POU6F2: variants seen among roughly 807,000 people sequenced by gnomAD.
POU6F2 encodes POU class 6 homeobox 2.
Under a neutral mutation model 71.3 loss-of-function variants are expected in POU6F2, and 31 were observed. The ratio of observed to expected loss-of-function variants is 0.43; its 90% confidence interval spans 0.33 to 0.59. The LOEUF (loss-of-function observed/expected upper bound fraction) is 0.59, where lower values mean the gene tolerates loss of function less well. POU6F2 is among the 20% of genes least tolerant of loss of function. POU6F2 has a pLI of 0.04. For missense variants in POU6F2, 783 were observed against 856.8 expected (o/e 0.91, Z 1.07); for synonymous variants, 347 against 355.7 (o/e 0.98, Z 0.27).
intron 4 of POU6F2, among the ~76,000 whole-genome samples, chr7:39,339,067 C>T (rs1422724010): frequency 7.5e-6 from 1 of 132,556 alleles, no homozygotes; most frequent in Non-Finnish European, 1.6e-5. Flanking sequence ...GAAGCATGTA[C>T]TGCTTTTGAA....
intron 7 of POU6F2, among the ~76,000 whole-genome samples, chr7:39,437,562 TC>T (rs1788278313): frequency 6.6e-6 from 1 of 152,160 alleles, no homozygotes; most frequent in African/African-American, 2.4e-5. Context: ...TTAATTTTTT[TC>T]AAAAAACCAG....
At chr7:39,133,798 G>A (rs945464505) in intron 2 of POU6F2, among the ~76,000 whole-genome samples, 1 of 152,214 alleles carries the variant, frequency 6.6e-6, no homozygotes, top group East Asian at 1.9e-4. Flanking sequence ...TACAGCCTGT[G>A]TAAGCTCTAC....
At chr7:39,131,912 T>C (rs1792292995) in intron 2 of POU6F2, among the ~76,000 whole-genome samples, 1 of 152,128 alleles carries the variant, frequency 6.6e-6, no homozygotes, top group Non-Finnish European at 1.5e-5. Context: ...ATGGGGTGCA[T>C]AAGATGTTTT....
intron 2 of POU6F2, among the ~76,000 whole-genome samples, chr7:39,176,706 A>G (rs1209494108): frequency 6.6e-6 from 1 of 152,234 alleles, no homozygotes; most frequent in East Asian, 1.9e-4. Context: ...GCATGCATAC[A>G]AACACATACC....
At chr7:39,258,378 G>A (rs1243111480) in intron 4 of POU6F2, among the ~76,000 whole-genome samples, 3 of 152,156 alleles carry the variant, frequency 2.0e-5, no homozygotes, top group African/African-American at 4.8e-5. Flanking sequence ...TGGAGCCTGG[G>A]ATTTTATCCA....
At chr7:39,187,420 G>A (rs1216975146) in intron 2 of POU6F2, among the ~76,000 whole-genome samples, 1 of 152,246 alleles carries the variant, frequency 6.6e-6, no homozygotes, top group Admixed American at 6.5e-5. Flanking sequence ...CAAAGTTGCA[G>A]GCATTGGCTA....
At chr7:39,365,960 G>T (rs1786491672) in intron 5 of POU6F2, among the ~76,000 whole-genome samples, 2 of 152,338 alleles carry the variant, frequency 1.3e-5, no homozygotes, top group Middle Eastern at 3.4e-3. Context: ...AGCTGTGTAG[G>T]TGCAGGCACA....
chr7:39,253,847 A>T (rs1309409035), intron 4 of POU6F2, among the ~76,000 whole-genome samples: 1 of 152,148 alleles, frequency 6.6e-6, no homozygotes, highest in Non-Finnish European at 1.5e-5. Context: ...ACGATAGCCA[A>T]ACCATTATAT....
intron 8 of POU6F2, among the ~76,000 whole-genome samples, chr7:39,456,301 A>C (rs2237372): frequency 0.35 from 52,849 of 152,032 alleles, 10,436 homozygotes; most frequent in East Asian, 0.58. Context: ...GCCAGATTGA[A>C]CTATCCCAGG....
chr7:39,462,897 G>A (rs1186727229), intron 9 of POU6F2, among the ~76,000 whole-genome samples: 1 of 152,186 alleles, frequency 6.6e-6, no homozygotes, highest in East Asian at 1.9e-4. Flanking sequence ...TCTAAAATGT[G>A]CTGCCAAAAA....
chr7:39,108,571 G>A (rs566976320), intron 2 of POU6F2, among the ~76,000 whole-genome samples: 9 of 152,198 alleles, frequency 5.9e-5, no homozygotes, highest in Non-Finnish European at 1.2e-4. Flanking sequence ...CCCCAGCCTA[G>A]GCTGGTTGTG....
intron 4 of POU6F2, among the ~76,000 whole-genome samples, chr7:39,273,963 A>C (rs1041466594): frequency 2.0e-5 from 3 of 152,192 alleles, no homozygotes; most frequent in Non-Finnish European, 4.4e-5. Context: ...TATTTATAAT[A>C]ACTGCATGAC....
At chr7:39,051,303 C>A (rs1790395789) in intron 1 of POU6F2, among the ~76,000 whole-genome samples, 1 of 152,080 alleles carries the variant, frequency 6.6e-6, no homozygotes, top group Non-Finnish European at 1.5e-5. Flanking sequence ...AACCCATATT[C>A]CATTTTTTGC....
At chr7:39,252,233 A>G (rs576021097) in intron 4 of POU6F2, among the ~76,000 whole-genome samples, 3 of 152,020 alleles carry the variant, frequency 2.0e-5, no homozygotes, top group Non-Finnish European at 2.9e-5. Context: ...CCTGTCCTCT[A>G]TTTACCTGTC....
intron 1 of POU6F2, among the ~76,000 whole-genome samples, chr7:39,065,969 C>A (rs1320310535): frequency 2.0e-5 from 3 of 151,474 alleles, no homozygotes; most frequent in African/African-American, 7.3e-5. Context: ...TGATATTAAC[C>A]CACAACAGAG....
intron 1 of POU6F2, among the ~76,000 whole-genome samples, chr7:39,014,937 ACTC>A (rs1005215688): frequency 6.6e-6 from 1 of 151,806 alleles, no homozygotes; most frequent in Non-Finnish European, 1.5e-5. Context: ...ACTGCTGTTG[ACTC>A]CTCTATTAGT....
intron 5 of POU6F2, among the ~76,000 whole-genome samples, chr7:39,384,893 C>T (rs145915768): frequency 5.1e-4 from 77 of 152,284 alleles, no homozygotes; most frequent in African/African-American, 1.9e-3. Context: ...CATTTGGAAG[C>T]TTTGTGTCCT....
At chr7:39,018,396 A>G (rs1350088799) in intron 1 of POU6F2, among the ~76,000 whole-genome samples, 2 of 152,172 alleles carry the variant, frequency 1.3e-5, no homozygotes, top group Non-Finnish European at 2.9e-5. Flanking sequence ...TTGTGCCGGA[A>G]GCCATGACCT....
chr7:39,273,680 TG>T (rs757261821), intron 4 of POU6F2, among the ~76,000 whole-genome samples: 1 of 151,866 alleles, frequency 6.6e-6, no homozygotes, highest in Non-Finnish European at 1.5e-5. Flanking sequence ...TTTCTTGGTT[TG>T]TTTTTTTTTT....
Sources: gnomAD v4.1 joint callset for allele counts (sites outside exome capture counted in the v4.1 genomes callset) on GRCh38, gnomAD v4.1.1 for gene constraint, MANE v1.5 for transcripts, NCBI Gene and HGNC (gene_info 2026-07-23, HGNC 2026-07-21) for gene names.